The following CEP162 variants were observed in gnomAD, a reference collection of about 807,000 sequenced individuals.
CEP162 encodes centrosomal protein 162.
In CEP162, 141 loss-of-function variants were observed where a neutral mutation model predicts 169.2. The ratio of observed to expected loss-of-function variants is 0.83; its 90% CI spans 0.73 to 0.96. The LOEUF (loss-of-function observed/expected upper bound fraction) is 0.96. Among genes scored for constraint, CEP162 ranks in the 40% least tolerant of loss-of-function variants. The pLI is 0.00. For missense variants in CEP162, 1,600 were observed against 1,587.2 expected, an observed-to-expected ratio of 1.01 and a Z score of -0.14; for synonymous variants, 540 against 526.4, an observed-to-expected ratio of 1.03 and a Z score of -0.35.
chr6:84,150,755 A>G (rs1419854892), intron 23 of CEP162, among the ~76,000 whole-genome samples: 1 of 152,190 alleles, frequency 6.6e-6, no homozygotes, highest in Non-Finnish European at 1.5e-5. Context: ...TGCTACTGTC[A>G]TAATATTCAG....
chr6:84,211,212 G>C (rs1232776776), intron 6 of CEP162, among the ~76,000 whole-genome samples: 1 of 151,086 alleles, frequency 6.6e-6, no homozygotes, highest in Non-Finnish European at 1.5e-5. Context: ...AAAATGAACT[G>C]TTAGAGTGAA....
Position 84,124,720 on chromosome 6 carries a change from G to A in CEP162, c.*350C>T, listed in dbSNP as rs1271715521. 1 of 282,060 alleles carries A rather than the reference G, an allele frequency of 3.5e-6. No homozygotes were observed. The allele number at this position is 282,060 out of a possible 1,614,324, so 17.5% of individuals were successfully genotyped here. A position where few individuals can be genotyped will look rare whatever the true frequency, so the allele number is the denominator to read the frequency against. ...TTACAACAAGCACATGTACCCCCTG[G>A]ATCTAAAATAAAAATTTTAAAAACC... On this transcript the variant is annotated 3_prime_UTR_variant, in exon 27 of 27. Transcript: ENST00000403245.
rs964320765 is a variant in CEP162, at chr6:84,203,830, A to G, written c.687+151T>C. 1.2e-5 allele frequency: 5 copies of G among 417,854 alleles called. No individual in the cohort carries two copies. In the Admixed American group the frequency reaches 2.2e-4, roughly 18 times the overall value. 25.9% of individuals were successfully genotyped at this position (417,854 alleles called of 1,614,324 possible). On this transcript the variant is annotated intron_variant, in intron 7 of 26. Transcript: ENST00000403245. Reference sequence around the variant, plus strand: ...ATTAATTTAATATCTTGAGTTAAGAAAATGTTTAACTGAGTATTAGGAGAC... The same window carrying G: ...ATTAATTTAATATCTTGAGTTAAGAGAATGTTTAACTGAGTATTAGGAGAC...
rs777376282 is a variant in CEP162, at chr6:84,125,120, C to T, written c.4162G>A (p.Val1388Met). 1 of 1,613,394 alleles carries T rather than the reference C, an allele frequency of 6.2e-7. No homozygotes were observed. ...TCTGCAAAAGCAACTGGCACAACCA[C>T]TCCTTGCCGGTGCAGCTCTCGGAGA... ...DVLRELHRQG[V>M]VVPVAFADEM... is the part of the protein sequence containing the mutation. Residue 1388 changes from valine (V) to methionine (M), a missense_variant, in exon 27 of 27, where the codon GTG (valine) becomes ATG (methionine). By Grantham distance (21) the Val-to-Met change is conservative (BLOSUM62 1). Transcript: ENST00000403245.
intron 18 of CEP162, 147 bp from the exon 19 acceptor site, chr6:84,163,417 C>T (rs2129210768): frequency 1.6e-6 from 1 of 623,418 alleles, no homozygotes; most frequent in East Asian, 2.7e-5. Flanking sequence ...CCTGCCCCAC[C>T]CCAGAATTTT....
At chr6:84,136,422 T>C (rs1280354690) in intron 25 of CEP162, among the ~76,000 whole-genome samples, 1 of 152,192 alleles carries the variant, frequency 6.6e-6, no homozygotes, top group Non-Finnish European at 1.5e-5. Context: ...ACCACTGAAC[T>C]TATTCTTCTA....
At chr6:84,161,030 T>G in intron 20 of CEP162, 114 bp from the exon 21 acceptor site, 2 of 736,998 alleles carry the variant, frequency 2.7e-6, no homozygotes, top group Non-Finnish European at 4.6e-6. Flanking sequence ...CAGCAAAATT[T>G]GGGGAATTAA....
intron 3 of CEP162, chr6:84,219,017 TA>T: frequency 2.9e-6 from 1 of 340,318 alleles, no homozygotes; most frequent in Non-Finnish European, 5.5e-6. Context: ...TTTCACCTTC[TA>T]AGCCGAACAT....
intron 25 of CEP162, among the ~76,000 whole-genome samples, chr6:84,127,095 T>A (rs960077307): frequency 5.9e-5 from 9 of 152,118 alleles, no homozygotes; most frequent in Admixed American, 2.6e-4. Context: ...ATCCAGAGAT[T>A]AAAGACACAG....
intron 6 of CEP162, among the ~76,000 whole-genome samples, chr6:84,210,773 CT>C (rs1456256222): frequency 1.3e-5 from 2 of 152,144 alleles, no homozygotes; most frequent in African/African-American, 4.8e-5. Context: ...GACAGGGAGA[CT>C]TTTGAACTCT....
chr6:84,219,271 G>A (rs2099552729), intron 3 of CEP162: 1 of 690,156 alleles, frequency 1.4e-6, no homozygotes, highest in South Asian at 1.5e-5. Flanking sequence ...CAGGGACCAG[G>A]TTATTCCCGT....
At chr6:84,189,554 T>C (rs533618926) in intron 11 of CEP162, among the ~76,000 whole-genome samples, 9 of 152,280 alleles carry the variant, frequency 5.9e-5, no homozygotes, top group East Asian at 1.9e-4. Context: ...CCAGCAGTGC[T>C]GGCCCACCGG....
At chr6:84,159,545 A>AT (rs2099524751) in intron 21 of CEP162, among the ~76,000 whole-genome samples, 2 of 40,080 alleles carry the variant, frequency 5.0e-5, no homozygotes, top group East Asian at 6.4e-4. Context: ...ATATATATAT[A>AT]TATTTTTTTT....
At chr6:84,145,850 C>T (rs915804342) in intron 25 of CEP162, among the ~76,000 whole-genome samples, 7 of 152,122 alleles carry the variant, frequency 4.6e-5, no homozygotes, top group Non-Finnish European at 8.8e-5. Context: ...AGCCCAACAT[C>T]TAGAACTCTT....
chr6:84,190,061 CTG>C (rs2099539141), intron 11 of CEP162, among the ~76,000 whole-genome samples: 1 of 151,836 alleles, frequency 6.6e-6, no homozygotes. Flanking sequence ...AATCAACACT[CTG>C]TATCTAGCTG....
chr6:84,168,335 T>C (rs945936370), intron 18 of CEP162, among the ~76,000 whole-genome samples: 1 of 152,186 alleles, frequency 6.6e-6, no homozygotes, highest in Admixed American at 6.6e-5. Flanking sequence ...CCAAAGGAAG[T>C]TTCCTATAAT....
At chr6:84,215,115 C>T (rs972013270) in intron 5 of CEP162, among the ~76,000 whole-genome samples, 167 bp downstream of exon 5, 2 of 152,170 alleles carry the variant, frequency 1.3e-5, no homozygotes, top group Non-Finnish European at 2.9e-5. Context: ...ACATATTCTA[C>T]TCACACATAA....
At chr6:84,145,903 C>A (rs1291657590) in intron 25 of CEP162, among the ~76,000 whole-genome samples, 2 of 152,102 alleles carry the variant, frequency 1.3e-5, no homozygotes, top group African/African-American at 4.8e-5. Flanking sequence ...ACAGACTACT[C>A]CTACCATTAA....
At chr6:84,178,932 T>C (rs1246370912) in intron 13 of CEP162, among the ~76,000 whole-genome samples, 1 of 152,168 alleles carries the variant, frequency 6.6e-6, no homozygotes, top group African/African-American at 2.4e-5. Flanking sequence ...GTCCTTGCGA[T>C]AGTTTGCTGA....
Sources: gnomAD v4.1 joint callset for allele counts (sites outside exome capture counted in the v4.1 genomes callset) on GRCh38, gnomAD v4.1.1 for gene constraint, MANE v1.5 for transcripts, NCBI Gene and HGNC (gene_info 2026-07-23, HGNC 2026-07-21) for gene names.